ZFP82: variants seen among roughly 807,000 people sequenced by gnomAD.
ZFP82 encodes the protein ZFP82 zinc finger protein, also known as zinc finger protein 82 homolog.
A neutral mutation model predicts 54.0 loss-of-function variants in ZFP82; 30 were observed. The ratio of observed to expected loss-of-function variants is 0.56; its 90% CI spans 0.42 to 0.75. The LOEUF (loss-of-function observed/expected upper bound fraction) is 0.75, where lower values mean the gene tolerates loss of function less well. Among genes scored for constraint, ZFP82 ranks in the 30% least tolerant of loss-of-function variants. ZFP82 has a pLI of 0.00. For synonymous variants in ZFP82, 194 were observed against 209.5 expected (o/e 0.93, Z 0.64); for missense variants, 500 against 636.8 (o/e 0.79, Z 2.31).
chr19:36,408,033 A>G lies in ZFP82; in HGVS notation c.10-20T>C. On this transcript the variant is annotated intron_variant, in intron 2 of 4. Transcript: ENST00000392161. ...TGATCGCTGAAATGACAAACCACAC[A>G]TTATAAATGAAATGGAAGAAAATGT... is the stretch of plus-strand genomic sequence containing the variant. 1 of 1,607,300 alleles carries G rather than the reference A, an allele frequency of 6.2e-7. No homozygotes were observed. Among genetic ancestry groups the G allele is most frequent in the East Asian group, 2.2e-5 (1 of 44,772 alleles).
At position 36,390,314 on chromosome 19, in the gene ZFP82, T is replaced by C. The variant is rs184240933; in HGVS notation, c.*2427A>G. 1.3e-5 allele frequency: 2 copies of C among 148,660 alleles called. No individual in the cohort carries two copies. Among genetic ancestry groups the C allele is most frequent in the African/African-American group, 5.0e-5 (2 of 40,350 alleles). 9.2% of individuals were successfully genotyped at this position (148,660 alleles called of 1,614,324 possible). A position where few individuals can be genotyped will look rare whatever the true frequency, so the allele number is the denominator to read the frequency against. ...ACGTTTCTTAGTCTCCTTTAAAGTG[T>C]AGGATTCCATTTTTGTCTTTTTTTT... On this transcript the variant is annotated 3_prime_UTR_variant, in exon 5 of 5. Transcript: ENST00000392161.
rs140765560 is a variant in ZFP82, at chr19:36,393,429, T to C, written c.911A>G (p.Asn304Ser). The change falls in exon 5 of 5, where the codon AAT (asparagine) becomes AGT (serine). Residue 304 changes from asparagine (N) to serine (S), a missense_variant. Coordinates refer to ENST00000392161, the MANE Select transcript of ZFP82 (RefSeq NM_133466.4). ...YAHLTRHQKL[N>S]SADRLYECKE... ...GCATTCATAGAGCCTGTCAGCACTATTAAGCTTCTGATGCCGAGTCAGGTG... is the reference window on the plus strand; with the variant it reads ...GCATTCATAGAGCCTGTCAGCACTACTAAGCTTCTGATGCCGAGTCAGGTG... The C allele has an allele frequency of 3.5e-5, 56 of 1,614,100 alleles. No homozygotes were observed. The highest frequency in any genetic ancestry group is 4.5e-5 in the Non-Finnish European group (53 of 1,180,008).
At chr19:36,415,341 A>C (rs1422012685) in intron 1 of ZFP82, among the ~76,000 whole-genome samples, 1 of 152,170 alleles carries the variant, frequency 6.6e-6, no homozygotes, top group Non-Finnish European at 1.5e-5. Context: ...GGGGATGGAG[A>C]AAATCTGTTC....
At chr19:36,388,319 G>T (rs950160842), downstream of ZFP82, among the ~76,000 whole-genome samples, 2 of 151,680 alleles carry the variant, frequency 1.3e-5, no homozygotes, top group Non-Finnish European at 2.9e-5. Context: ...ATTTTATATT[G>T]GGATATTTGC....
chr19:36,416,372 A>G (rs1010256650), intron 1 of ZFP82, among the ~76,000 whole-genome samples: 1 of 152,206 alleles, frequency 6.6e-6, no homozygotes, highest in Non-Finnish European at 1.5e-5. Flanking sequence ...TGGCATATTA[A>G]CAGATATCTA....
rs1331896197 is a variant in ZFP82 at position 36,393,864 on chromosome 19, G to A, written c.476C>T (p.Pro159Leu). ...ATCAACAAAATGAAGTCTCTGATGT[G>A]GAGTAACAGATGTGCGTTTCTGGTA... ...SSYQKRTSVT[P>L]HQRLHFVDKP... Residue 159 changes from proline (P) to leucine (L), a missense_variant, in exon 5 of 5, where the codon CCA (proline) becomes CTA (leucine). Physicochemically the swap from Pro to Leu is moderately conservative, Grantham distance 98. Transcript: ENST00000392161. 6.2e-7 allele frequency: 1 copy of A among 1,614,164 alleles called. No individual in the cohort carries two copies. The highest frequency in any genetic ancestry group is 8.5e-7 in the Non-Finnish European group (1 of 1,180,040).
intron 4 of ZFP82, chr19:36,396,061 A>ATTTTTTT (rs34319197): frequency 7.3e-6 from 1 of 136,840 alleles, no homozygotes. Context: ...ACGCCTGGCT[A>ATTTTTTT]TTTTTTTTTT....
intron 3 of ZFP82, among the ~76,000 whole-genome samples, chr19:36,406,371 A>G (rs1256687417): frequency 6.6e-6 from 1 of 152,162 alleles, no homozygotes; most frequent in African/African-American, 2.4e-5. Flanking sequence ...TCATCCCCCA[A>G]ATATCCCTAT....
chr19:36,398,366 G>A (rs112707194), intron 4 of ZFP82, among the ~76,000 whole-genome samples: 2,831 of 152,132 alleles, frequency 0.019, 99 homozygotes, highest in African/African-American at 0.065. Flanking sequence ...GTGAAACCCT[G>A]TCTCTATTAA....
chr19:36,396,029 G>A (rs962018394), intron 4 of ZFP82: 1 of 151,746 alleles, frequency 6.6e-6, no homozygotes, highest in Non-Finnish European at 1.5e-5. Flanking sequence ...CTGAGTAGCT[G>A]GGATTATAGG....
At position 36,393,887 on chromosome 19, in the gene ZFP82, G is replaced by A. The variant is rs766575200; in HGVS notation, c.453C>T (p.Tyr151=). 4.3e-6 allele frequency: 7 copies of A among 1,614,172 alleles called. No individual in the cohort carries two copies. Among genetic ancestry groups the A allele is most frequent in the Admixed American group, 1.7e-5 (1 of 60,018 alleles). Residue 151 remains tyrosine (Y), a synonymous_variant, in exon 5 of 5, where the codon TAC becomes TAT. Transcript: ENST00000392161. ...VKMPSEKVSS[Y]QKRTSVTPHQ... is the part of the protein sequence containing the mutation. ...GTGGAGTAACAGATGTGCGTTTCTG[G>A]TAAGAGGACACCTTTTCAGATGGCA...
chr19:36,393,322 A>C lies in ZFP82; in HGVS notation c.1018T>G (p.Cys340Gly). ...KLHTGEKPYECKECGKAFRVR... is the reference protein window; with the variant it reads ...KLHTGEKPYEGKECGKAFRVR... ...CTAAAGGCCTTCCCGCATTCCTTACATTCATAGGGTTTCTCACCAGTATGA... is the reference window on the plus strand; with the variant it reads ...CTAAAGGCCTTCCCGCATTCCTTACCTTCATAGGGTTTCTCACCAGTATGA... Residue 340 changes from cysteine to glycine, a missense_variant, in exon 5 of 5, where the codon TGT (cysteine) becomes GGT (glycine). Physicochemically the swap from Cys to Gly is radical, Grantham distance 159. Transcript: ENST00000392161. 6.2e-7 allele frequency: 1 copy of C among 1,614,072 alleles called. No homozygotes were observed.
At chr19:36,413,837 A>C (rs564582853) in intron 1 of ZFP82, among the ~76,000 whole-genome samples, 29 of 152,294 alleles carry the variant, frequency 1.9e-4, no homozygotes, top group African/African-American at 6.7e-4. Flanking sequence ...TACTGTAAGC[A>C]CTAAATTCAG....
chr19:36,398,661 A>T (rs1004348240), intron 4 of ZFP82, among the ~76,000 whole-genome samples: 73 of 151,862 alleles, frequency 4.8e-4, no homozygotes, highest in African/African-American at 1.7e-3. Flanking sequence ...CTGAAAAGGT[A>T]ACTAAAAAAA....
chr19:36,416,756 CAAAAAAAAAAAA>C (rs1165706150), intron 1 of ZFP82, among the ~76,000 whole-genome samples: 3 of 68,876 alleles, frequency 4.4e-5, no homozygotes, highest in East Asian at 8.8e-4. Context: ...AACTCCGTCT[CAAAAAAAAAAAA>C]AAAAAAAAGA....
chr19:36,409,860 AG>A lies in ZFP82; in HGVS notation c.-72del, dbSNP rs1384476761. The A allele has an allele frequency of 4.5e-6, 7 of 1,545,490 alleles. No homozygotes were observed. The African/African-American group carries it at 6.8e-5, about 15-fold the overall frequency. The stretch of plus-strand genomic sequence containing the variant: ...GCCAGGAGAAGCACCGAGTCCACAG[AG>A]GCTGATCTAGGGAGAGGAAAACAAG... On this transcript the variant is annotated 5_prime_UTR_variant, in exon 2 of 5. Coordinates refer to ENST00000392161, the MANE Select transcript of ZFP82 (RefSeq NM_133466.4).
rs186163729 is a variant in ZFP82 at position 36,400,507 on chromosome 19, T to C, written c.229+5073A>G. Among the ~76,000 whole-genome samples, 13 of 152,338 alleles carry C rather than the reference T, an allele frequency of 8.5e-5. No homozygotes were observed. In the East Asian group the frequency reaches 2.5e-3, roughly 29 times the overall value. On this transcript the variant is annotated intron_variant, in intron 4 of 4. Transcript: ENST00000392161. ...CTGAATGCTAATAATATTCCATTGA[T>C]GCTCTCACATTCTATTGATCTTCTT...
chr19:36,406,554 C>T (rs938084979), intron 3 of ZFP82, among the ~76,000 whole-genome samples: 2 of 152,114 alleles, frequency 1.3e-5, no homozygotes, highest in Non-Finnish European at 2.9e-5. Flanking sequence ...TATATTCTTG[C>T]ATGCTATAAC....
chr19:36,389,266 G>C lies in ZFP82; in HGVS notation c.*3475C>G, dbSNP rs990654612. ...TTGGCCAGGATGGTCTTGATCTCCT[G>C]GCCTCAAATGATCCACCCACCTTGG... On this transcript the variant is annotated 3_prime_UTR_variant, in exon 5 of 5. Coordinates refer to ENST00000392161, the MANE Select transcript of ZFP82 (RefSeq NM_133466.4). Among the ~76,000 whole-genome samples, 2 of 152,016 alleles carry C rather than the reference G, an allele frequency of 1.3e-5. No individual in the cohort carries two copies. Among genetic ancestry groups the C allele is most frequent in the Admixed American group, 6.6e-5 (1 of 15,250 alleles).
Sources: allele counts gnomAD v4.1 joint callset (sites outside exome capture counted in the v4.1 genomes callset), GRCh38; gene constraint gnomAD v4.1.1; transcripts MANE v1.5; gene names NCBI Gene and HGNC (gene_info 2026-07-23, HGNC 2026-07-21).